Variants in RSF1 observed in about 807,000 individuals in gnomAD.
RSF1 encodes the protein remodeling and spacing factor 1.
In RSF1, 13 loss-of-function variants were observed where a neutral mutation model predicts 145.2. The observed-to-expected ratio is 0.09, with a 90% CI of 0.06 to 0.14. The LOEUF is 0.14. Among genes scored for constraint, RSF1 ranks in the 10% least tolerant of loss-of-function variants. The pLI is 1.00. For synonymous variants in RSF1, 577 were observed against 592.6 expected, an observed-to-expected ratio of 0.97 and a Z score of 0.38; for missense variants, 1,517 against 1,718.2, an observed-to-expected ratio of 0.88 and a Z score of 2.07.
intron 2 of RSF1, among the ~76,000 whole-genome samples, chr11:77,749,994 G>A (rs1432241934): frequency 6.6e-6 from 1 of 152,028 alleles, no homozygotes; most frequent in Non-Finnish European, 1.5e-5. Flanking sequence ...CGATTCGCCT[G>A]GCTTGGCATC....
chr11:77,837,339 G>A, the RSF1 span, among the ~76,000 whole-genome samples: 1 of 152,114 alleles, frequency 6.6e-6, no homozygotes, highest in Non-Finnish European at 1.5e-5. Flanking sequence ...GTTTCACCAC[G>A]TTGGCCAGGC....
At chr11:77,757,111 A>G (rs1948123865) in intron 2 of RSF1, among the ~76,000 whole-genome samples, 3 of 152,360 alleles carry the variant, frequency 2.0e-5, no homozygotes, top group Non-Finnish European at 1.5e-5. Context: ...GTTTTAGTGG[A>G]TAAGGAGGTA....
At chr11:77,844,316 C>T in the RSF1 span, among the ~76,000 whole-genome samples, 1 of 152,104 alleles carries the variant, frequency 6.6e-6, no homozygotes, top group Non-Finnish European at 1.5e-5. Context: ...TTAAAGGACA[C>T]ACATATTAAG....
At chr11:77,677,177 T>A in intron 12 of RSF1, 178 bp from the exon 13 acceptor site, 1 of 598,816 alleles carries the variant, frequency 1.7e-6, no homozygotes, top group South Asian at 2.2e-5. Context: ...AGTTTTAGCA[T>A]TCGTTTACCC....
the RSF1 span, among the ~76,000 whole-genome samples, chr11:77,836,557 A>G: frequency 6.6e-6 from 1 of 152,244 alleles, no homozygotes; most frequent in African/African-American, 2.4e-5. Flanking sequence ...TAAGACACGC[A>G]GTCTGTGGTA....
At chr11:77,786,813 C>T (rs1009860342) in intron 1 of RSF1, among the ~76,000 whole-genome samples, 5 of 151,998 alleles carry the variant, frequency 3.3e-5, no homozygotes, top group African/African-American at 1.2e-4. Context: ...AACAACTAAA[C>T]GACAACAAAA....
intron 1 of RSF1, among the ~76,000 whole-genome samples, chr11:77,820,215 C>T (rs560101033): frequency 6.6e-6 from 1 of 152,296 alleles, no homozygotes; most frequent in Non-Finnish European, 1.5e-5. Context: ...CCGCCCTCCG[C>T]CGCGGAGAAG....
chr11:77,813,640 G>T, intron 1 of RSF1: 1 of 589,674 alleles, frequency 1.7e-6, no homozygotes, highest in Non-Finnish European at 3.1e-6. Flanking sequence ...GCCACCTCCA[G>T]CTCCACGCGT....
At chr11:77,852,183 G>A in the RSF1 span, among the ~76,000 whole-genome samples, 1 of 117,340 alleles carries the variant, frequency 8.5e-6, no homozygotes. Flanking sequence ...AGGCTGCAGT[G>A]AGCTTCACTC....
At chr11:77,699,947 T>C (rs1189209491) in intron 6 of RSF1, among the ~76,000 whole-genome samples, 1 of 152,148 alleles carries the variant, frequency 6.6e-6, no homozygotes, top group East Asian at 1.9e-4. Flanking sequence ...TCTACGGACA[T>C]GAAGAGTTCA....
At position 77,734,789 on chromosome 11, in the gene RSF1, G is replaced by A. The variant is rs1054924149; in HGVS notation, c.578+5942C>T. The A allele has an allele frequency of 2.4e-5, 38 of 1,593,176 alleles. 1 individual carries two copies. The East Asian group carries it at 4.9e-4, about 21-fold the overall frequency. On this transcript the variant is annotated intron_variant, in intron 4 of 15. Coordinates refer to ENST00000308488, the MANE Select transcript of RSF1 (RefSeq NM_016578.4). ...TTTTTGATATCCTGAAGGAAGATTC[G>A]GCCACCTCGTTGGTTCTGCAGCTTC...
chr11:77,792,751 ACT>A (rs1445707013), intron 1 of RSF1, among the ~76,000 whole-genome samples: 16 of 149,424 alleles, frequency 1.1e-4, no homozygotes, highest in African/African-American at 3.8e-4. Flanking sequence ...AAAAAAAAAA[ACT>A]GCCAATCAAG....
In RSF1 at chr11:77,747,025, A is replaced by G; in HGVS notation, c.372+11T>C. On this transcript the variant is annotated intron_variant, in intron 3 of 15. Coordinates refer to ENST00000308488, the MANE Select transcript of RSF1 (RefSeq NM_016578.4). Reference sequence around the variant, plus strand: ...AATTAAAATAACTGTAACAAATAATAGATTTATTACCTTTAAGAGTGCTAG... The same window carrying G: ...AATTAAAATAACTGTAACAAATAATGGATTTATTACCTTTAAGAGTGCTAG... 1 of 1,492,452 alleles carries G rather than the reference A, an allele frequency of 6.7e-7. No individual in the cohort carries two copies. The highest frequency in any genetic ancestry group is 1.2e-5 in the South Asian group (1 of 83,804). 92.5% of individuals were successfully genotyped at this position (1,492,452 alleles called of 1,614,324 possible). A position where few individuals can be genotyped will look rare whatever the true frequency, so the allele number is the denominator to read the frequency against.
intron 1 of RSF1, among the ~76,000 whole-genome samples, chr11:77,774,595 A>C (rs1419582998): frequency 6.8e-6 from 1 of 147,792 alleles, no homozygotes; most frequent in East Asian, 2.0e-4. Context: ...TAAATAAATA[A>C]ATAAATAAAT....
the RSF1 span, among the ~76,000 whole-genome samples, chr11:77,853,138 G>A: frequency 1.2e-4 from 19 of 152,272 alleles, no homozygotes; most frequent in East Asian, 1.2e-3. Flanking sequence ...GGGTTGTACC[G>A]TATTTTAGTA....
At chr11:77,837,125 T>C in the RSF1 span, among the ~76,000 whole-genome samples, 1 of 152,190 alleles carries the variant, frequency 6.6e-6, no homozygotes, top group Non-Finnish European at 1.5e-5. Flanking sequence ...TTTGAGTTTT[T>C]TGTTTGTTTG....
rs57568918 is a variant in RSF1, at chr11:77,787,833, TAAA to T, written c.188-23147_188-23145del. On this transcript the variant is annotated intron_variant, in intron 1 of 15. Coordinates refer to ENST00000308488, the MANE Select transcript of RSF1 (RefSeq NM_016578.4). The stretch of plus-strand genomic sequence containing the variant: ...CATTGCTAATGTACCTTCAGAACAG[TAAA>T]AAAAAAAAAAAGTTCGAGTGCTGTG... Among the ~76,000 whole-genome samples, 6 of 129,474 alleles carry T rather than the reference TAAA, an allele frequency of 4.6e-5. No homozygotes were observed. The East Asian group carries it at 1.1e-3, about 24-fold the overall frequency. The allele number at this position is 129,474 out of a possible 152,430, so 84.9% of individuals were successfully genotyped here. A position where few individuals can be genotyped will look rare whatever the true frequency, so the allele number is the denominator to read the frequency against.
rs1349873161 is a variant in RSF1, at chr11:77,663,084, G to A, written c.*3833C>T. The stretch of plus-strand genomic sequence containing the variant: ...TGGGTCTTTGAATAGTTGTTCTATA[G>A]CTGTGAGGCATCACCTTGAATAACG... On this transcript the variant is annotated 3_prime_UTR_variant, in exon 16 of 16. Transcript: ENST00000308488. The A allele has an allele frequency of 2.0e-5, 3 of 152,120 alleles. No individual in the cohort carries two copies. Among genetic ancestry groups the A allele is most frequent in the Non-Finnish European group, 4.4e-5 (3 of 68,010 alleles). The allele number at this position is 152,120 out of a possible 1,614,324, so 9.4% of individuals were successfully genotyped here. A position where few individuals can be genotyped will look rare whatever the true frequency, so the allele number is the denominator to read the frequency against.
chr11:77,786,887 G>A (rs78422314), intron 1 of RSF1, among the ~76,000 whole-genome samples: 3,100 of 152,248 alleles, frequency 0.02, 95 homozygotes, highest in African/African-American at 0.07. Context: ...AGTGATACAT[G>A]AGAGATGCAA....
Sources: gnomAD v4.1 joint callset for allele counts (sites outside exome capture counted in the v4.1 genomes callset) on GRCh38, gnomAD v4.1.1 for gene constraint, MANE v1.5 for transcripts, NCBI Gene and HGNC (gene_info 2026-07-23, HGNC 2026-07-21) for gene names.